CR1: variants seen among roughly 807,000 people sequenced by gnomAD.
The protein encoded by CR1 is complement C3b/C4b receptor 1 (Knops blood group).
A neutral mutation model predicts 187.3 loss-of-function variants in CR1; 116 were observed. That is an observed-to-expected ratio of 0.62 (90% CI 0.53 to 0.72). The LOEUF is 0.72. Ranked by LOEUF, CR1 falls within the 30% of genes least tolerant of loss-of-function variation. The pLI is 0.00. For synonymous variants in CR1, 576 were observed against 747.1 expected (o/e 0.77, Z 3.73); for missense variants, 1,731 against 2,110.7 (o/e 0.82, Z 3.52).
At chr1:207,503,290 T>C (rs1479922464) in intron 1 of CR1, among the ~76,000 whole-genome samples, 1 of 152,204 alleles carries the variant, frequency 6.6e-6, no homozygotes, top group Non-Finnish European at 1.5e-5. Flanking sequence ...CAAGATTCAA[T>C]CTATGAACCC....
intron 35 of CR1, among the ~76,000 whole-genome samples, chr1:207,592,235 G>A (rs1661293109): frequency 1.3e-5 from 2 of 152,128 alleles, no homozygotes; most frequent in South Asian, 4.2e-4. Context: ...ACATCAAAAA[G>A]CTTATCCACA....
At chr1:207,509,308 G>C (rs1659544637) in intron 3 of CR1, among the ~76,000 whole-genome samples, 1 of 152,116 alleles carries the variant, frequency 6.6e-6, no homozygotes, top group African/African-American at 2.4e-5. Flanking sequence ...GCTTAACTTT[G>C]TGAATCCACA....
At chr1:207,615,005 C>T (rs1055688276) in intron 40 of CR1, among the ~76,000 whole-genome samples, 2 of 151,940 alleles carry the variant, frequency 1.3e-5, no homozygotes, top group African/African-American at 2.4e-5. Flanking sequence ...GATAGAATCT[C>T]GCCATATTGC....
intron 39 of CR1, among the ~76,000 whole-genome samples, chr1:207,613,293 A>G (rs768960719): frequency 2.6e-5 from 4 of 152,182 alleles, no homozygotes; most frequent in Admixed American, 6.5e-5. Context: ...TGGGGCTTTT[A>G]TGGACACAGA....
Position 207,584,707 on chromosome 1 carries a change from T to C in CR1, c.5361T>C (p.Ser1787=), listed in dbSNP as rs966916553. Residue 1787 remains serine (S), a synonymous_variant, in exon 33 of 47, where the codon TCT becomes TCC. Coordinates refer to ENST00000367049, the MANE Select transcript of CR1 (RefSeq NM_000651.6). ...ATGGGAGACACACAGGAACTCCCTC[T>C]GGAGATATTCCCTATGGAAAAGAAA... The part of the protein sequence containing the change: ...ILNGRHTGTP[S]GDIPYGKEIS... The C allele has an allele frequency of 5.0e-6, 8 of 1,613,796 alleles. No homozygotes were observed. The highest frequency in any genetic ancestry group is 6.8e-6 in the Non-Finnish European group (8 of 1,179,710).
At chr1:207,602,931 A>G (rs1345196227) in intron 35 of CR1, among the ~76,000 whole-genome samples, 27 of 152,164 alleles carry the variant, frequency 1.8e-4, no homozygotes, top group Admixed American at 1.8e-3. Context: ...AAAGAAATTT[A>G]ACAGGAAATA....
In CR1 at chr1:207,502,082, AT is replaced by A. The variant is rs987814464; in HGVS notation, c.122-3816del. Among the ~76,000 whole-genome samples the A allele has an allele frequency of 1.1e-4, 17 of 152,216 alleles. No homozygotes were observed. In the South Asian group the frequency reaches 2.9e-3, roughly 26 times the overall value. On this transcript the variant is annotated intron_variant, in intron 1 of 46. Coordinates refer to ENST00000367049, the MANE Select transcript of CR1 (RefSeq NM_000651.6). Reference sequence around the variant, plus strand: ...TTTTGAGTTTTATAAGTAATTCTTCATTTTTTGTTCATTGCAACAAATATGC... The same window carrying A: ...TTTTGAGTTTTATAAGTAATTCTTCATTTTTGTTCATTGCAACAAATATGC...
intron 31 of CR1, among the ~76,000 whole-genome samples, chr1:207,581,345 T>C (rs1228017371): frequency 7.3e-6 from 1 of 136,704 alleles, no homozygotes. Context: ...TGTATATGTA[T>C]ACGTATACAT....
chr1:207,621,322 CCAA>C (rs2102403457), intron 43 of CR1, among the ~76,000 whole-genome samples: 1 of 151,788 alleles, frequency 6.6e-6, no homozygotes, highest in East Asian at 1.9e-4. Context: ...AGGTGAACAC[CCAA>C]TACAAAGCAA....
chr1:207,506,457 A>T (rs1659435379), intron 2 of CR1, among the ~76,000 whole-genome samples: 1 of 152,132 alleles, frequency 6.6e-6, no homozygotes, highest in African/African-American at 2.4e-5. Flanking sequence ...AGTTGAATTG[A>T]ATTACAGATA....
chr1:207,504,059 T>A (rs1412117763), intron 1 of CR1, among the ~76,000 whole-genome samples: 1 of 152,218 alleles, frequency 6.6e-6, no homozygotes, highest in Non-Finnish European at 1.5e-5. Flanking sequence ...CCACAGTGCA[T>A]GCTAAGTGCT....
intron 1 of CR1, among the ~76,000 whole-genome samples, chr1:207,504,691 C>G (rs1387345075): frequency 6.6e-6 from 1 of 152,152 alleles, no homozygotes; most frequent in Non-Finnish European, 1.5e-5. Flanking sequence ...GCACCTTATC[C>G]TTTAGTGAAA....
At chr1:207,602,121 C>T (rs1371488481) in intron 35 of CR1, among the ~76,000 whole-genome samples, 2 of 152,108 alleles carry the variant, frequency 1.3e-5, no homozygotes, top group Non-Finnish European at 2.9e-5. Flanking sequence ...TGGGCTCCAT[C>T]ACTTGAAGGG....
chr1:207,584,518 C>A, intron 32 of CR1, 131 bp from the exon 33 acceptor site: 1 of 1,100,130 alleles, frequency 9.1e-7, no homozygotes, highest in Non-Finnish European at 1.3e-6. Flanking sequence ...ATTTATTTTG[C>A]AGTTTCTACT....
Position 207,611,905 on chromosome 1 carries a change from G to C in CR1, c.6473-34G>C, listed in dbSNP as rs767351637. The C allele has an allele frequency of 2.5e-6, 4 of 1,613,908 alleles. No homozygotes were observed. In the East Asian group the frequency reaches 8.9e-5, roughly 36 times the overall value. On this transcript the variant is annotated intron_variant, in intron 38 of 46. Coordinates refer to ENST00000367049, the MANE Select transcript of CR1 (RefSeq NM_000651.6). ...TGCTCTGTTTTCCCCTTCACATGGA[G>C]GACTTACTCCTGTTGTTTTATTTTT... is the stretch of plus-strand genomic sequence containing the variant.
chr1:207,591,811 A>AGT (rs1661281524), intron 35 of CR1, among the ~76,000 whole-genome samples: 1 of 152,228 alleles, frequency 6.6e-6, no homozygotes, highest in Admixed American at 6.5e-5. Flanking sequence ...AGAATACTAT[A>AGT]AACACCTCTA....
At chr1:207,508,434 A>G (rs1220472464) in intron 3 of CR1, among the ~76,000 whole-genome samples, 7 of 152,222 alleles carry the variant, frequency 4.6e-5, no homozygotes, top group Non-Finnish European at 8.8e-5. Context: ...TCTGTTCATT[A>G]TTGCTGTGAA....
At chr1:207,637,391 C>A in intron 46 of CR1, among the ~76,000 whole-genome samples, 1 of 152,234 alleles carries the variant, frequency 6.6e-6, no homozygotes, top group Non-Finnish European at 1.5e-5. Context: ...ACACATTCTT[C>A]CCAAACTAAA....
intron 31 of CR1, among the ~76,000 whole-genome samples, chr1:207,581,439 G>T (rs1054934004): frequency 6.7e-6 from 1 of 149,898 alleles, no homozygotes; most frequent in African/African-American, 2.4e-5. Flanking sequence ...ATATACATAT[G>T]TATATACATA....
Sources: allele counts gnomAD v4.1 joint callset (sites outside exome capture counted in the v4.1 genomes callset), GRCh38; gene constraint gnomAD v4.1.1; transcripts MANE v1.5; gene names NCBI Gene and HGNC (gene_info 2026-07-23, HGNC 2026-07-21).